CEP78: variants seen among roughly 807,000 people sequenced by gnomAD.
The protein encoded by CEP78 is centrosomal protein 78.
Under a neutral mutation model 81.2 loss-of-function variants are expected in CEP78, and 76 were observed. That is an observed-to-expected ratio of 0.94 (90% CI 0.78 to 1.13). The LOEUF (loss-of-function observed/expected upper bound fraction) is 1.13, where lower values mean the gene tolerates loss of function less well. Ranked by LOEUF, CEP78 falls within the 50% of genes most tolerant of loss-of-function variation. The probability of loss-of-function intolerance (pLI) is 0.00; values close to 1 mark genes in which losing one functional copy is unlikely to be tolerated. For synonymous variants in CEP78, 293 were observed against 301.4 expected (o/e 0.97, Z 0.29); for missense variants, 918 against 846.8 (o/e 1.08, Z -1.04).
rs763213647 is a variant in CEP78, at chr9:78,240,052, C to T, written c.283C>T (p.Arg95Cys). The T allele has an allele frequency of 9.5e-6, 15 of 1,581,106 alleles. No individual in the cohort carries two copies. Among genetic ancestry groups the T allele is most frequent in the South Asian group, 3.6e-5 (3 of 84,092 alleles). The change falls in exon 2 of 17, where the codon CGT (arginine) becomes TGT (cysteine). Residue 95 changes from arginine (R) to cysteine (C), a missense_variant. By Grantham distance (180) the Arg-to-Cys change is radical. Coordinates refer to ENST00000643273, the MANE Select transcript of CEP78 (RefSeq NM_001330691.3). ...TGACATGAATAAATTTTGCAGAAGT[C>T]GTGTTCCTGCGATAAGATACAAAGA... is the stretch of plus-strand genomic sequence containing the variant. Reference protein sequence around the residue: ...GSDMNKFCRSRVPAIRYKDVT... With the variant: ...GSDMNKFCRSCVPAIRYKDVT...
chr9:78,247,362 G>A (rs545674394), intron 6 of CEP78, among the ~76,000 whole-genome samples: 8 of 152,328 alleles, frequency 5.3e-5, no homozygotes, highest in South Asian at 2.1e-4. Context: ...GGAACAAGCC[G>A]TGGAAGATGC....
chr9:78,236,225 C>T lies in CEP78; in HGVS notation c.-126C>T. On this transcript the variant is annotated 5_prime_UTR_variant, in exon 1 of 17. Coordinates refer to ENST00000643273, the MANE Select transcript of CEP78 (RefSeq NM_001330691.3). Reference sequence around the variant, plus strand: ...TTCCGACCGAATCACCGCTCCTGAGCCCGGTGCGGGGCTGCCGCTATCGCC... The same window carrying T: ...TTCCGACCGAATCACCGCTCCTGAGTCCGGTGCGGGGCTGCCGCTATCGCC... 1.2e-6 allele frequency: 1 copy of T among 817,422 alleles called. No individual in the cohort carries two copies. Among genetic ancestry groups the T allele is most frequent in the Admixed American group, 2.9e-5 (1 of 34,498 alleles). The allele number at this position is 817,422 out of a possible 1,614,324, so 50.6% of individuals were successfully genotyped here. A position where few individuals can be genotyped will look rare whatever the true frequency, so the allele number is the denominator to read the frequency against.
intron 16 of CEP78, among the ~76,000 whole-genome samples, chr9:78,269,055 A>G (rs944347365): frequency 6.6e-6 from 1 of 152,124 alleles, no homozygotes; most frequent in Non-Finnish European, 1.5e-5. Flanking sequence ...TCTCAAATAT[A>G]CTTGTTTATA....
intron 8 of CEP78, chr9:78,249,318 C>T (rs1447698104): frequency 2.0e-5 from 3 of 152,412 alleles, no homozygotes; most frequent in African/African-American, 7.2e-5. Flanking sequence ...TCCTTCCTTG[C>T]AAATTCTTAC....
In CEP78 at chr9:78,265,447, T is replaced by C. The variant is rs1032346511; in HGVS notation, c.1701T>C (p.Ser567=). 4 of 1,599,546 alleles carry C rather than the reference T, an allele frequency of 2.5e-6. No homozygotes were observed. Among genetic ancestry groups the C allele is most frequent in the Non-Finnish European group, 3.4e-6 (4 of 1,172,540 alleles). ...FQLLGHPQMT[S]TVSNPPKEEK... ...TACTAGGTCATCCCCAGATGACTTC[T>C]ACTGTTAGTAATCCACCTAAAGAAG... is the stretch of plus-strand genomic sequence containing the variant. Residue 567 remains serine (S), a synonymous_variant, in exon 14 of 17, where the codon TCT becomes TCC. Transcript: ENST00000643273.
intron 11 of CEP78, among the ~76,000 whole-genome samples, chr9:78,255,483 C>G (rs1826976978): frequency 6.6e-6 from 1 of 151,998 alleles, no homozygotes; most frequent in Admixed American, 6.6e-5. Flanking sequence ...CAGGAGAGTC[C>G]AAGATCAAGG....
Position 78,248,791 on chromosome 9 carries a change from G to A in CEP78, c.987G>A (p.Lys329=), listed in dbSNP as rs559801573. 1.3e-6 allele frequency: 2 copies of A among 1,593,636 alleles called. No individual in the cohort carries two copies. Among genetic ancestry groups the A allele is most frequent in the African/African-American group, 1.3e-5 (1 of 74,238 alleles). The change falls in exon 8 of 17, where the codon AAG becomes AAA. Residue 329 remains lysine (K), a synonymous_variant. Transcript: ENST00000643273. ...EYQWITSPSV[K]EPSKTAKQKR... ...AGTGGATAACTTCTCCATCAGTGAA[G>A]GAACCATCCAAAACTGCTAAACAGA...
At chr9:78,251,793 C>A in intron 8 of CEP78, 115 bp from the exon 9 acceptor site, 1 of 724,312 alleles carries the variant, frequency 1.4e-6, no homozygotes, top group Non-Finnish European at 2.1e-6. Context: ...ATTTAATGGA[C>A]TTGGTGTCAT....
chr9:78,237,875 G>C (rs200214188), intron 1 of CEP78, among the ~76,000 whole-genome samples: 3 of 151,314 alleles, frequency 2.0e-5, no homozygotes, highest in East Asian at 1.9e-4. Flanking sequence ...AGGCCAAGGC[G>C]GGGGGGTGTG....
intron 4 of CEP78, 131 bp downstream of exon 4, chr9:78,241,930 A>G (rs1214767475): frequency 7.6e-6 from 4 of 525,204 alleles, no homozygotes; most frequent in Non-Finnish European, 1.3e-5. Flanking sequence ...TGTTTAAAGA[A>G]TGTGACCAAT....
Position 78,275,586 on chromosome 9 carries a change from CAA to C in CEP78, c.*4736_*4737del, listed in dbSNP as rs1221740086. 5 of 103,086 alleles carry C rather than the reference CAA, an allele frequency of 4.9e-5. No homozygotes were observed. The highest frequency in any genetic ancestry group is 1.3e-4 in the Admixed American group (1 of 7,672). 6.4% of individuals were successfully genotyped at this position (103,086 alleles called of 1,614,324 possible). ...CACCGTTGCACTCTAGCCTGGGAGACAAGAGGGAAACTCTGTCTCCAAAAAAA... is the reference window on the plus strand; with the variant it reads ...CACCGTTGCACTCTAGCCTGGGAGACGAGGGAAACTCTGTCTCCAAAAAAA... On this transcript the variant is annotated 3_prime_UTR_variant, in exon 17 of 17. Transcript: ENST00000643273.
intron 3 of CEP78, 32 bp from the exon 4 acceptor site, chr9:78,241,664 C>T: frequency 9.6e-7 from 1 of 1,045,186 alleles, no homozygotes; most frequent in Non-Finnish European, 1.5e-6. Context: ...TGCTCTTCAT[C>T]TTATTGTATG....
At position 78,273,040 on chromosome 9, in the gene CEP78, T is replaced by C. The variant is rs1827727206; in HGVS notation, c.*2189T>C. 6.6e-6 allele frequency: 1 copy of C among 152,120 alleles called. No homozygotes were observed. The highest frequency in any genetic ancestry group is 2.1e-4 in the South Asian group (1 of 4,828). 9.4% of individuals were successfully genotyped at this position (152,120 alleles called of 1,614,324 possible). Reference sequence around the variant, plus strand: ...AGCAAATGTATGTCAACAACTTTAATAGCTACAAAACTACCTGGAAAGAGG... The same window carrying C: ...AGCAAATGTATGTCAACAACTTTAACAGCTACAAAACTACCTGGAAAGAGG... On this transcript the variant is annotated 3_prime_UTR_variant, in exon 17 of 17. Coordinates refer to ENST00000643273, the MANE Select transcript of CEP78 (RefSeq NM_001330691.3).
At chr9:78,267,147 T>C (rs1349483864) in intron 16 of CEP78, 2 of 847,262 alleles carry the variant, frequency 2.4e-6, no homozygotes, top group Non-Finnish European at 3.4e-6. Context: ...TATAGTGAAA[T>C]TTTTGGTCTG....
In CEP78 at chr9:78,243,503, T is replaced by C; in HGVS notation, c.645T>C (p.Ser215=). 1 of 1,613,686 alleles carries C rather than the reference T, an allele frequency of 6.2e-7. No homozygotes were observed. Among genetic ancestry groups the C allele is most frequent in the Non-Finnish European group, 8.5e-7 (1 of 1,179,764 alleles). ...GGCATGAAGAAACCTGGGCTGAGAG[T>C]CTTCGCTATAGGAGACCTGATCTTG... ...MRRHEETWAE[S]LRYRRPDLDC... is the part of the protein sequence containing the mutation. The change falls in exon 5 of 17, where the codon AGT becomes AGC. Residue 215 remains serine (S), a synonymous_variant. Coordinates refer to ENST00000643273, the MANE Select transcript of CEP78 (RefSeq NM_001330691.3).
chr9:78,239,744 A>G (rs942148672), intron 1 of CEP78, among the ~76,000 whole-genome samples: 1 of 152,082 alleles, frequency 6.6e-6, no homozygotes, highest in African/African-American at 2.4e-5. Flanking sequence ...CCCTCTGGTT[A>G]ATGCATCACC....
chr9:78,241,065 T>C (rs1024638832), intron 3 of CEP78, among the ~76,000 whole-genome samples: 1 of 152,162 alleles, frequency 6.6e-6, no homozygotes, highest in Admixed American at 6.5e-5. Flanking sequence ...AGCAAAGTGC[T>C]GTATAGGAGC....
intron 1 of CEP78, among the ~76,000 whole-genome samples, chr9:78,236,969 C>CTTTTTTTTTTTTTTTTTT (rs71360676): frequency 4.8e-5 from 3 of 62,090 alleles, no homozygotes; most frequent in African/African-American, 1.9e-4. Context: ...CAGCCTTTGT[C>CTTTTTTTTTTTTTTTTTT]TTTTTTTTTT....
At chr9:78,256,829 G>A (rs1827058683) in intron 11 of CEP78, among the ~76,000 whole-genome samples, 1 of 152,136 alleles carries the variant, frequency 6.6e-6, no homozygotes, top group African/African-American at 2.4e-5. Context: ...CCTTAGGTTT[G>A]TTAAGCACAA....
Sources: allele counts gnomAD v4.1 joint callset (sites outside exome capture counted in the v4.1 genomes callset), GRCh38; gene constraint gnomAD v4.1.1; transcripts MANE v1.5; gene names NCBI Gene and HGNC (gene_info 2026-07-23, HGNC 2026-07-21).